NEGR1: variants seen among roughly 807,000 people sequenced by gnomAD.
NEGR1 encodes neuronal growth regulator 1.
Under a neutral mutation model 40.9 loss-of-function variants are expected in NEGR1, and 10 were observed. The ratio of observed to expected loss-of-function variants is 0.24; its 90% CI spans 0.15 to 0.42. NEGR1 has a LOEUF of 0.42. Among genes scored for constraint, NEGR1 ranks in the 10% least tolerant of loss-of-function variants. The pLI is 1.00. For synonymous variants in NEGR1, 185 were observed against 166.8 expected, an observed-to-expected ratio of 1.11 and a Z score of -0.84; for missense variants, 352 against 438.9, an observed-to-expected ratio of 0.80 and a Z score of 1.77.
intron 6 of NEGR1, chr1:71,484,763 C>T (rs1421157716): frequency 6.6e-6 from 1 of 151,654 alleles, no homozygotes; most frequent in Non-Finnish European, 1.5e-5. Flanking sequence ...TCTAAGTGTT[C>T]CAGTCTAACT....
chr1:71,576,705 A>C (rs981053596), intron 6 of NEGR1, among the ~76,000 whole-genome samples: 1 of 152,242 alleles, frequency 6.6e-6, no homozygotes, highest in African/African-American at 2.4e-5. Flanking sequence ...CCATGCAGCT[A>C]AGTGTGGCCA....
At chr1:71,572,089 G>A (rs1039474864) in intron 6 of NEGR1, among the ~76,000 whole-genome samples, 1 of 152,028 alleles carries the variant, frequency 6.6e-6, no homozygotes, top group Non-Finnish European at 1.5e-5. Context: ...TTAGAATACT[G>A]ATGATTTCTG....
At chr1:72,122,959 T>C (rs1460032043) in intron 1 of NEGR1, among the ~76,000 whole-genome samples, 2 of 151,960 alleles carry the variant, frequency 1.3e-5, no homozygotes, top group Admixed American at 6.6e-5. Flanking sequence ...TTTGAATATG[T>C]CTAAATAATG....
chr1:71,581,434 A>T (rs1006891610), intron 6 of NEGR1, among the ~76,000 whole-genome samples: 1 of 152,168 alleles, frequency 6.6e-6, no homozygotes, highest in Non-Finnish European at 1.5e-5. Flanking sequence ...TTCAGCAAAA[A>T]AGTTGCACAG....
chr1:71,509,269 A>G (rs1215740706), intron 6 of NEGR1, among the ~76,000 whole-genome samples: 1 of 152,210 alleles, frequency 6.6e-6, no homozygotes, highest in African/African-American at 2.4e-5. Context: ...ACAAGGATGC[A>G]TGGGGAAATC....
chr1:72,213,586 G>A (rs1162768845), intron 1 of NEGR1, among the ~76,000 whole-genome samples: 2 of 151,880 alleles, frequency 1.3e-5, no homozygotes, highest in Admixed American at 6.6e-5. Flanking sequence ...TGAGGAGAAA[G>A]GGGATATAAA....
chr1:72,190,242 A>T (rs1448450170), intron 1 of NEGR1, among the ~76,000 whole-genome samples: 2 of 151,632 alleles, frequency 1.3e-5, no homozygotes, highest in African/African-American at 4.8e-5. Context: ...AAGAAAGTTA[A>T]TTTAACCCCT....
chr1:71,913,070 T>G (rs559303924), intron 2 of NEGR1, among the ~76,000 whole-genome samples: 1 of 152,264 alleles, frequency 6.6e-6, no homozygotes, highest in Admixed American at 6.5e-5. Context: ...ATTTCTAGCC[T>G]CATATATTTA....
At chr1:71,793,743 G>A (rs1455376675) in intron 2 of NEGR1, among the ~76,000 whole-genome samples, 1 of 151,732 alleles carries the variant, frequency 6.6e-6, no homozygotes, top group Non-Finnish European at 1.5e-5. Flanking sequence ...TTAGGAATGA[G>A]GAAATTATTT....
intron 1 of NEGR1, among the ~76,000 whole-genome samples, chr1:72,278,085 A>G (rs10493497): frequency 0.098 from 14,906 of 152,164 alleles, 2,473 homozygotes; most frequent in African/African-American, 0.34. Flanking sequence ...AAAGTTTTGC[A>G]GTTTCCAATA....
chr1:71,559,044 T>TATATATATATATAC (rs1488767009), intron 6 of NEGR1, among the ~76,000 whole-genome samples: 1 of 62,266 alleles, frequency 1.6e-5, no homozygotes, highest in African/African-American at 5.2e-5. Flanking sequence ...TATATATATA[T>TATATATATATATAC]ACACATATAT....
At chr1:71,540,633 G>A (rs1284265248) in intron 6 of NEGR1, among the ~76,000 whole-genome samples, 1 of 151,658 alleles carries the variant, frequency 6.6e-6, no homozygotes, top group African/African-American at 2.4e-5. Flanking sequence ...AGTTTGACAT[G>A]CTGAATCTAA....
intron 1 of NEGR1, among the ~76,000 whole-genome samples, chr1:71,990,365 T>C (rs1392172168): frequency 6.6e-6 from 1 of 152,160 alleles, no homozygotes. Flanking sequence ...TTGTACTATA[T>C]ACATTATTTT....
intron 1 of NEGR1, among the ~76,000 whole-genome samples, chr1:72,250,163 CCTT>C (rs1655037828): frequency 6.6e-6 from 1 of 152,240 alleles, no homozygotes; most frequent in South Asian, 2.1e-4. Flanking sequence ...AAGAAGAAAT[CCTT>C]CTCAATACTG....
At chr1:71,874,322 C>T (rs1660364260) in intron 2 of NEGR1, among the ~76,000 whole-genome samples, 1 of 152,098 alleles carries the variant, frequency 6.6e-6, no homozygotes, top group African/African-American at 2.4e-5. Context: ...GAATCGAACA[C>T]TGTATTTAGG....
rs541842513 is a variant in NEGR1, at chr1:71,580,976, A to T, written c.940+11841T>A. On this transcript the variant is annotated intron_variant, in intron 6 of 6. Transcript: ENST00000357731. ...TGCGATTTATTTATTAAATACAGCC[A>T]TTATTAAAATTGAATTCTATAAGTT... 1.1e-3 allele frequency among the ~76,000 whole-genome samples: 174 copies of T among 152,350 alleles called. 2 individuals are homozygous for T. The South Asian group carries it at 0.015, about 13-fold the overall frequency.
At position 71,700,853 on chromosome 1, in the gene NEGR1, C is replaced by T. The variant is rs181762908; in HGVS notation, c.536-2714G>A. Among the ~76,000 whole-genome samples, 327 of 151,928 alleles carry T rather than the reference C, an allele frequency of 2.2e-3. 3 individuals carry two copies. Among genetic ancestry groups the T allele is most frequent in the Admixed American group, 0.018 (270 of 15,218 alleles). Reference sequence around the variant, plus strand: ...AAGGAGAGTTCTGGGAGGGACAATACTAATTGCATGAATTCGTAAAAGTAG... The same window carrying T: ...AAGGAGAGTTCTGGGAGGGACAATATTAATTGCATGAATTCGTAAAAGTAG... On this transcript the variant is annotated intron_variant, in intron 3 of 6. Transcript: ENST00000357731.
intron 4 of NEGR1, among the ~76,000 whole-genome samples, chr1:71,657,563 T>C (rs566953133): frequency 6.6e-6 from 1 of 152,242 alleles, no homozygotes; most frequent in Non-Finnish European, 1.5e-5. Flanking sequence ...AAAAAAATCA[T>C]TCAGGAAAGC....
Position 71,918,234 on chromosome 1 carries a change from AAAAAAAAAAAAAAAAAAAAAAAG to A in NEGR1, c.409+16822_409+16844del, listed in dbSNP as rs1202236128. The stretch of plus-strand genomic sequence containing the variant: ...TCTGTCTCAAAAAAAAAAAAAAAAA[AAAAAAAAAAAAAAAAAAAAAAAG>A]AAGAAGAAGAACACATCATACTGTC... On this transcript the variant is annotated intron_variant, in intron 2 of 6. Coordinates refer to ENST00000357731, the MANE Select transcript of NEGR1 (RefSeq NM_173808.3). Among the ~76,000 whole-genome samples, 4 of 133,418 alleles carry A rather than the reference AAAAAAAAAAAAAAAAAAAAAAAG, an allele frequency of 3.0e-5. No individual in the cohort carries two copies. In the South Asian group the frequency reaches 7.2e-4, roughly 24 times the overall value. 87.5% of individuals were successfully genotyped at this position (133,418 alleles called of 152,430 possible).
Sources: gnomAD v4.1 joint callset for allele counts (sites outside exome capture counted in the v4.1 genomes callset) on GRCh38, gnomAD v4.1.1 for gene constraint, MANE v1.5 for transcripts, NCBI Gene and HGNC (gene_info 2026-07-23, HGNC 2026-07-21) for gene names.